The following CDH17 variants were observed in gnomAD, a reference collection of about 807,000 sequenced individuals.
CDH17 encodes the protein cadherin 17, also known as cadherin-17.
In CDH17, 67 loss-of-function variants were observed where a neutral mutation model predicts 86.3. The ratio of observed to expected loss-of-function variants is 0.78; its 90% CI spans 0.64 to 0.95. CDH17 has a LOEUF of 0.95. Ranked by LOEUF, CDH17 falls within the 40% of genes least tolerant of loss-of-function variation. The pLI, the probability that CDH17 is intolerant of heterozygous loss-of-function variation, is 0.00. For missense variants in CDH17, 993 were observed against 1,017.6 expected (o/e 0.98, Z 0.33); for synonymous variants, 367 against 366.4 (o/e 1.00, Z -0.02).
intron 7 of CDH17, among the ~76,000 whole-genome samples, chr8:94,171,254 T>G (rs1002269726): frequency 6.6e-6 from 1 of 152,178 alleles, no homozygotes; most frequent in Non-Finnish European, 1.5e-5. Context: ...TGGGCTGCTT[T>G]CTTTTGGAAG....
At chr8:94,208,851 G>A (rs76846357), upstream of CDH17, among the ~76,000 whole-genome samples, 251 of 152,316 alleles carry the variant, frequency 1.6e-3, no homozygotes, top group African/African-American at 5.7e-3. Flanking sequence ...TCTCTAGAGT[G>A]TGAGGTTCAT....
At chr8:94,217,002 C>G (rs1490494624) in intron 1 of CDH17, among the ~76,000 whole-genome samples, 1 of 152,202 alleles carries the variant, frequency 6.6e-6, no homozygotes, top group African/African-American at 2.4e-5. Context: ...GCATCTCAAT[C>G]TTCACAGCAA....
intron 1 of CDH17, among the ~76,000 whole-genome samples, chr8:94,199,043 A>ATG (rs1813842299): frequency 1.1e-4 from 2 of 18,802 alleles, no homozygotes; most frequent in Admixed American, 1.0e-3. Context: ...TGATTGATAT[A>ATG]TATATATATA....
chr8:94,140,107 C>T (rs1332571341), intron 15 of CDH17, among the ~76,000 whole-genome samples: 1 of 151,906 alleles, frequency 6.6e-6, no homozygotes, highest in Non-Finnish European at 1.5e-5. Context: ...CAAAAGAAAT[C>T]TAAAGGGAAA....
intron 1 of CDH17, among the ~76,000 whole-genome samples, chr8:94,205,754 G>A (rs1439427937): frequency 6.6e-6 from 1 of 151,976 alleles, no homozygotes; most frequent in African/African-American, 2.4e-5. Context: ...ACAAATGCAA[G>A]CTAAGTTAAA....
chr8:94,208,772 T>C (rs928298074), upstream of CDH17, among the ~76,000 whole-genome samples: 5 of 152,336 alleles, frequency 3.3e-5, no homozygotes, highest in Middle Eastern at 3.4e-3. Context: ...GGTTGCTACA[T>C]TTTTCAATGT....
At chr8:94,213,193 A>G (rs1043787812), upstream of CDH17, among the ~76,000 whole-genome samples, 1 of 152,082 alleles carries the variant, frequency 6.6e-6, no homozygotes, top group Non-Finnish European at 1.5e-5. Flanking sequence ...GCTGCTCTTG[A>G]ACTCCTGAGC....
In CDH17 at chr8:94,128,550, G is replaced by T. The variant is rs548069796; in HGVS notation, c.2399-210C>A. 9.9e-5 allele frequency among the ~76,000 whole-genome samples: 15 copies of T among 152,256 alleles called. No individual in the cohort carries two copies. In the East Asian group the frequency reaches 2.9e-3, roughly 29 times the overall value. The stretch of plus-strand genomic sequence containing the variant: ...TTATCATTTATCCTGTTGTATGTAT[G>T]TATCAAGTCCCAAATCATAGCTGAC... On this transcript the variant is annotated intron_variant, in intron 17 of 17. Coordinates refer to ENST00000027335, the MANE Select transcript of CDH17 (RefSeq NM_004063.4).
At chr8:94,147,711 G>A (rs1445530883) in intron 14 of CDH17, among the ~76,000 whole-genome samples, 2 of 152,084 alleles carry the variant, frequency 1.3e-5, no homozygotes, top group African/African-American at 2.4e-5. Context: ...ATTCCTATGT[G>A]TTTATTTTTA....
chr8:94,153,670 G>A (rs1045860352), intron 12 of CDH17, among the ~76,000 whole-genome samples: 2 of 151,980 alleles, frequency 1.3e-5, no homozygotes, highest in East Asian at 1.9e-4. Context: ...ACATACACAC[G>A]CACACACATA....
At chr8:94,206,365 A>G (rs558143112) in intron 1 of CDH17, among the ~76,000 whole-genome samples, 56 of 152,350 alleles carry the variant, frequency 3.7e-4, no homozygotes, top group African/African-American at 1.3e-3. Flanking sequence ...CAGTTACAGA[A>G]CAACTAGCCC....
intron 9 of CDH17, among the ~76,000 whole-genome samples, 200 bp downstream of exon 9, chr8:94,170,197 A>C (rs1767632839): frequency 6.6e-6 from 1 of 152,160 alleles, no homozygotes; most frequent in Admixed American, 6.5e-5. Flanking sequence ...GTAGCTATAA[A>C]AGCCCCAATT....
At chr8:94,210,225 G>GAAAAAA (rs1563594359), upstream of CDH17, among the ~76,000 whole-genome samples, 3 of 16,118 alleles carry the variant, frequency 1.9e-4, no homozygotes, top group Non-Finnish European at 2.5e-4. Flanking sequence ...CTTTATGCGA[G>GAAAAAA]TAAAAAAAAA....
intron 9 of CDH17, among the ~76,000 whole-genome samples, chr8:94,169,597 G>A (rs1181655181): frequency 3.9e-5 from 6 of 152,240 alleles, no homozygotes; most frequent in Admixed American, 3.3e-4. Context: ...AATGATAGTC[G>A]TGAGGCTGCT....
intron 12 of CDH17, among the ~76,000 whole-genome samples, chr8:94,157,663 TC>T (rs757650923): frequency 6.6e-6 from 1 of 152,206 alleles, no homozygotes; most frequent in Non-Finnish European, 1.5e-5. Flanking sequence ...ACACCTGTGA[TC>T]CCAGCAATTT....
chr8:94,209,736 C>G (rs962403360), upstream of CDH17, among the ~76,000 whole-genome samples: 1 of 152,162 alleles, frequency 6.6e-6, no homozygotes, highest in Non-Finnish European at 1.5e-5. Flanking sequence ...TCACATTCTT[C>G]ACACCTCTGC....
At chr8:94,159,919 T>A (rs1813017580) in intron 12 of CDH17, 52 bp downstream of exon 12, 1 of 1,438,068 alleles carries the variant, frequency 7.0e-7, no homozygotes, top group African/African-American at 1.4e-5. Context: ...CTGTCATTAG[T>A]AAATTAACCC....
chr8:94,148,019 A>G (rs1030109581), intron 14 of CDH17, among the ~76,000 whole-genome samples: 16 of 152,248 alleles, frequency 1.1e-4, no homozygotes, highest in Non-Finnish European at 1.0e-4. Context: ...TGCTTCAAAA[A>G]GGATGAGAGT....
At chr8:94,160,260 T>C (rs962935283) in intron 11 of CDH17, 98 bp from the exon 12 acceptor site, 1 of 877,590 alleles carries the variant, frequency 1.1e-6, no homozygotes, top group South Asian at 1.9e-5. Context: ...ACACAAGTCA[T>C]AGTTTGCATC....
Sources: allele counts gnomAD v4.1 joint callset (sites outside exome capture counted in the v4.1 genomes callset), GRCh38; gene constraint gnomAD v4.1.1; transcripts MANE v1.5; gene names NCBI Gene and HGNC (gene_info 2026-07-23, HGNC 2026-07-21).